The following BMAL2 variants were observed in gnomAD, a reference collection of about 807,000 sequenced individuals.
BMAL2 encodes the protein basic helix-loop-helix ARNT-like protein 2.
At chr12:27,358,795 A>G in the BMAL2 span, among the ~76,000 whole-genome samples, 6 of 152,264 alleles carry the variant, frequency 3.9e-5, no homozygotes, top group African/African-American at 1.4e-4. Context: ...GGTAGGTACT[A>G]AATCTTAACT....
At chr12:27,402,701 A>G in the BMAL2 span, 1 of 1,580,602 alleles carries the variant, frequency 6.3e-7, no homozygotes, top group Non-Finnish European at 8.7e-7. Context: ...TAGATGATGG[A>G]AGACTTATTA....
chr12:27,404,798 T>C, the BMAL2 span, among the ~76,000 whole-genome samples: 1 of 151,544 alleles, frequency 6.6e-6, no homozygotes, highest in African/African-American at 2.4e-5. Context: ...CGAAGCAGGG[T>C]GAGGCATCGC....
chr12:27,407,232 A>C, the BMAL2 span, among the ~76,000 whole-genome samples: 89 of 152,358 alleles, frequency 5.8e-4, 1 homozygote, highest in African/African-American at 2.1e-3. Flanking sequence ...TCAGCTCTGC[A>C]CCAAGCAGAC....
At chr12:27,412,649 C>T in the BMAL2 span, among the ~76,000 whole-genome samples, 5 of 151,844 alleles carry the variant, frequency 3.3e-5, no homozygotes, top group East Asian at 9.7e-4. Flanking sequence ...ATGTGTGTGT[C>T]CCAGAAGGAT....
chr12:27,386,943 A>C, the BMAL2 span, among the ~76,000 whole-genome samples: 1 of 152,216 alleles, frequency 6.6e-6, no homozygotes, highest in South Asian at 2.1e-4. Context: ...CATATACAGC[A>C]CCTGGCCTAA....
chr12:27,392,658 A>G, the BMAL2 span, among the ~76,000 whole-genome samples: 1 of 107,780 alleles, frequency 9.3e-6, no homozygotes, highest in East Asian at 2.7e-4. Flanking sequence ...TAAATCACCG[A>G]ATCTACACAG....
At chr12:27,370,069 C>A in the BMAL2 span, 1 of 1,250,324 alleles carries the variant, frequency 8.0e-7, no homozygotes, top group Non-Finnish European at 1.2e-6. Context: ...TGAGGACAGG[C>A]TTGCTGTCCA....
At chr12:27,410,287 C>A in the BMAL2 span, among the ~76,000 whole-genome samples, 17 of 152,170 alleles carry the variant, frequency 1.1e-4, no homozygotes, top group Non-Finnish European at 2.2e-4. Flanking sequence ...TTTAAAGACA[C>A]ATACACACGT....
chr12:27,336,899 G>A, the BMAL2 span, among the ~76,000 whole-genome samples: 1 of 140,830 alleles, frequency 7.1e-6, no homozygotes, highest in African/African-American at 2.7e-5. Context: ...GTAGTGAGTC[G>A]AGATCATTCC....
the BMAL2 span, among the ~76,000 whole-genome samples, chr12:27,408,866 G>T: frequency 9.9e-5 from 15 of 152,116 alleles, no homozygotes; most frequent in South Asian, 1.2e-3. Context: ...GCCCAAAATC[G>T]CCTTAAGCTG....
At chr12:27,346,838 G>A in the BMAL2 span, among the ~76,000 whole-genome samples, 1 of 152,148 alleles carries the variant, frequency 6.6e-6, no homozygotes, top group Admixed American at 6.5e-5. Context: ...CCTAATGGGA[G>A]GTATTTGGGT....
the BMAL2 span, among the ~76,000 whole-genome samples, chr12:27,360,940 T>A: frequency 6.6e-6 from 1 of 152,068 alleles, no homozygotes; most frequent in African/African-American, 2.4e-5. Context: ...TTTAAACGTT[T>A]ACACAGAATA....
At chr12:27,346,463 A>C in the BMAL2 span, among the ~76,000 whole-genome samples, 1 of 152,110 alleles carries the variant, frequency 6.6e-6, no homozygotes, top group African/African-American at 2.4e-5. Context: ...GGGTTTCACC[A>C]TGTTGGCCAG....
chr12:27,411,462 A>G, the BMAL2 span, among the ~76,000 whole-genome samples: 1 of 150,384 alleles, frequency 6.6e-6, no homozygotes, highest in South Asian at 2.1e-4. Context: ...AAAAAAAAAA[A>G]GAGAGATTAG....
At chr12:27,420,557 G>A in the BMAL2 span, 1 of 1,534,206 alleles carries the variant, frequency 6.5e-7, no homozygotes, top group Non-Finnish European at 8.7e-7. Context: ...CTCCAAAAAT[G>A]AGAAACATTT....
chr12:27,337,182 G>T, the BMAL2 span, among the ~76,000 whole-genome samples: 2 of 152,046 alleles, frequency 1.3e-5, no homozygotes, highest in African/African-American at 4.8e-5. Context: ...AAGTCTAAAG[G>T]AAAAGGAAAT....
the BMAL2 span, among the ~76,000 whole-genome samples, chr12:27,354,728 C>T: frequency 5.9e-5 from 9 of 152,064 alleles, no homozygotes; most frequent in Non-Finnish European, 1.0e-4. Context: ...TAGGTATCTG[C>T]GGATATTCCA....
At chr12:27,369,988 G>A in the BMAL2 span, 13 of 634,454 alleles carry the variant, frequency 2.0e-5, no homozygotes, top group Non-Finnish European at 3.4e-5. Flanking sequence ...GATTCCAGAT[G>A]TGGTATTTTC....
At chr12:27,404,818 A>C in the BMAL2 span, among the ~76,000 whole-genome samples, 1 of 152,174 alleles carries the variant, frequency 6.6e-6, no homozygotes, top group Non-Finnish European at 1.5e-5. Context: ...CCTCACCCGG[A>C]AAGCGCAAGG....
Sources: gnomAD v4.1 joint callset for allele counts (sites outside exome capture counted in the v4.1 genomes callset) on GRCh38, gnomAD v4.1.1 for gene constraint, MANE v1.5 for transcripts, NCBI Gene and HGNC (gene_info 2026-07-23, HGNC 2026-07-21) for gene names.